The following AFF3 variants were observed in gnomAD, a reference collection of about 807,000 sequenced individuals.
The protein encoded by AFF3 is AF4/FMR2 family member 3.
In AFF3, 32 loss-of-function variants were observed where a neutral mutation model predicts 129.7. The ratio of observed to expected loss-of-function variants is 0.25; its 90% confidence interval spans 0.19 to 0.33. The LOEUF (loss-of-function observed/expected upper bound fraction) is 0.33. AFF3 is among the 10% of genes least tolerant of loss of function. The pLI is 1.00. For synonymous variants in AFF3, 644 were observed against 635.4 expected (o/e 1.01, Z -0.20); for missense variants, 1,373 against 1,592.0 (o/e 0.86, Z 2.34).
Position 100,007,274 on chromosome 2 carries a change from G to C in AFF3, c.361C>G (p.Gln121Glu). The C allele has an allele frequency of 6.2e-7, 1 of 1,614,110 alleles. No homozygotes were observed. ...GTAGTGCTACAGATAGACGAGGGCT[G>C]GTTCTGGGCTCTTGAATCTGCAACA... ...HFVADSRAQN[Q>E]PSSICSTTTS... Residue 121 changes from glutamine (Q) to glutamate (E), a missense_variant, in exon 6 of 25, where the codon CAG (glutamine) becomes GAG (glutamate). By Grantham distance (29) the Gln-to-Glu change is conservative. Coordinates refer to ENST00000672756, the MANE Select transcript of AFF3 (RefSeq NM_001386135.1).
rs1454407051 is a variant in AFF3, at chr2:99,787,686, C to CA, written c.922-35386dup. 5.9e-5 allele frequency among the ~76,000 whole-genome samples: 9 copies of CA among 152,234 alleles called. No individual in the cohort carries two copies. The South Asian group carries it at 1.9e-3, about 32-fold the overall frequency. On this transcript the variant is annotated intron_variant, in intron 8 of 24. Transcript: ENST00000672756. The stretch of plus-strand genomic sequence containing the variant: ...TGGAGACTTAGGCTAGGCTGGGTTT[C>CA]AAATTTGGATGAAGACGGTTTTGGC...
chr2:99,953,556 T>C (rs1206211972), intron 7 of AFF3, among the ~76,000 whole-genome samples: 3 of 152,342 alleles, frequency 2.0e-5, no homozygotes, highest in South Asian at 4.1e-4. Flanking sequence ...TCTTAGAAGA[T>C]TGTGGATCGG....
rs117231592 is a variant in AFF3 at position 99,861,076 on chromosome 2, G to A, written c.874-23552C>T. Reference sequence around the variant, plus strand: ...ATTCTCTCCTTTGTGGAGAGAATCAGAGGGCTTCAGATGGAAGTGACTCAC... The same window carrying A: ...ATTCTCTCCTTTGTGGAGAGAATCAAAGGGCTTCAGATGGAAGTGACTCAC... On this transcript the variant is annotated intron_variant, in intron 7 of 24. Coordinates refer to ENST00000672756, the MANE Select transcript of AFF3 (RefSeq NM_001386135.1). 6.0e-3 allele frequency among the ~76,000 whole-genome samples: 906 copies of A among 152,248 alleles called. 35 individuals carry two copies. In the East Asian group the frequency reaches 0.11, roughly 18 times the overall value.
chr2:99,897,187 G>C (rs967614316), intron 7 of AFF3, among the ~76,000 whole-genome samples: 1 of 152,136 alleles, frequency 6.6e-6, no homozygotes, highest in Non-Finnish European at 1.5e-5. Flanking sequence ...CCATAATTAT[G>C]ATTGCTATTT....
At chr2:99,995,892 C>T (rs1374622055) in intron 7 of AFF3, among the ~76,000 whole-genome samples, 2 of 152,088 alleles carry the variant, frequency 1.3e-5, no homozygotes, top group Non-Finnish European at 2.9e-5. Flanking sequence ...TATATAAACA[C>T]TTCAACAGAA....
intron 7 of AFF3, among the ~76,000 whole-genome samples, chr2:99,968,982 G>A (rs1011876910): frequency 6.6e-6 from 1 of 152,196 alleles, no homozygotes; most frequent in Non-Finnish European, 1.5e-5. Flanking sequence ...AGCAGCAAGA[G>A]GGAGTGTGGC....
intron 1 of AFF3, among the ~76,000 whole-genome samples, chr2:100,137,074 AT>A (rs1692667812): frequency 6.6e-6 from 1 of 152,128 alleles, no homozygotes. Context: ...ATTTTGAATT[AT>A]TTTACTGCTG....
intron 14 of AFF3, 109 bp from the exon 15 acceptor site, chr2:99,594,398 A>G (rs539615934): frequency 6.9e-7 from 1 of 1,456,414 alleles, no homozygotes; most frequent in East Asian, 2.3e-5. Context: ...ATGAGCAGAA[A>G]ACGAATGGGC....
At chr2:99,572,887 C>A (rs970338150) in intron 18 of AFF3, among the ~76,000 whole-genome samples, 2 of 152,172 alleles carry the variant, frequency 1.3e-5, no homozygotes, top group Admixed American at 1.3e-4. Flanking sequence ...AGGATTCAAA[C>A]ACAGCTTTTA....
intron 7 of AFF3, among the ~76,000 whole-genome samples, chr2:99,960,819 C>T (rs566318885): frequency 1.3e-5 from 2 of 152,128 alleles, no homozygotes; most frequent in African/African-American, 4.8e-5. Context: ...AAGAGGAAGG[C>T]GTTCCAGGAC....
In AFF3 at chr2:99,799,876, C is replaced by T. The variant is rs191041727; in HGVS notation, c.921+37601G>A. Among the ~76,000 whole-genome samples, 222 of 152,212 alleles carry T rather than the reference C, an allele frequency of 1.5e-3. 2 individuals carry two copies. The South Asian group carries it at 0.018, about 12-fold the overall frequency. ...AAGGACAGTATTTCAACAAATGGTA[C>T]TGGAATAACTGGATACTCATGTGCA... On this transcript the variant is annotated intron_variant, in intron 8 of 24. Coordinates refer to ENST00000672756, the MANE Select transcript of AFF3 (RefSeq NM_001386135.1).
intron 1 of AFF3, among the ~76,000 whole-genome samples, chr2:100,134,244 C>G (rs967211586): frequency 6.6e-6 from 1 of 152,140 alleles, no homozygotes; most frequent in African/African-American, 2.4e-5. Flanking sequence ...TCATATAAGC[C>G]TTGTATAAAA....
chr2:99,903,233 T>C (rs1694478469), intron 7 of AFF3, among the ~76,000 whole-genome samples: 1 of 152,174 alleles, frequency 6.6e-6, no homozygotes, highest in East Asian at 1.9e-4. Context: ...CGTAATAGAT[T>C]GTAAGACACA....
rs1296167110 is a variant in AFF3, at chr2:99,547,821, C to T, written c.*3653G>A. The stretch of plus-strand genomic sequence containing the variant: ...ATGTATGGGGTGTCAGAAATGTACA[C>T]ATCACTGTTATATAATACACACATC... On this transcript the variant is annotated 3_prime_UTR_variant, in exon 25 of 25. Coordinates refer to ENST00000672756, the MANE Select transcript of AFF3 (RefSeq NM_001386135.1). 1 of 211,056 alleles carries T rather than the reference C, an allele frequency of 4.7e-6. No homozygotes were observed. The highest frequency in any genetic ancestry group is 9.6e-6 in the Non-Finnish European group (1 of 103,732). 13.1% of individuals were successfully genotyped at this position (211,056 alleles called of 1,614,324 possible). A position where few individuals can be genotyped will look rare whatever the true frequency, so the allele number is the denominator to read the frequency against.
At chr2:100,085,811 C>T (rs1158701239) in intron 4 of AFF3, among the ~76,000 whole-genome samples, 3 of 152,050 alleles carry the variant, frequency 2.0e-5, no homozygotes, top group Non-Finnish European at 4.4e-5. Context: ...AGACTCCATG[C>T]TTCTTCAGAG....
chr2:99,696,411 TC>T, intron 11 of AFF3, among the ~76,000 whole-genome samples: 1 of 152,116 alleles, frequency 6.6e-6, no homozygotes, highest in Non-Finnish European at 1.5e-5. Flanking sequence ...TTACTCAAAC[TC>T]TGCATTTAAT....
At chr2:100,096,239 G>A (rs1023728547) in intron 4 of AFF3, among the ~76,000 whole-genome samples, 8 of 152,050 alleles carry the variant, frequency 5.3e-5, no homozygotes, top group African/African-American at 1.2e-4. Flanking sequence ...ATTCGAGCCC[G>A]ATACAACAGA....
intron 13 of AFF3, among the ~76,000 whole-genome samples, chr2:99,619,587 T>C (rs1262913551): frequency 6.6e-6 from 1 of 152,190 alleles, no homozygotes; most frequent in Non-Finnish European, 1.5e-5. Context: ...AGTAAGAACA[T>C]GCATGTCTCG....
intron 7 of AFF3, among the ~76,000 whole-genome samples, chr2:99,971,808 T>C (rs1438578390): frequency 1.3e-5 from 2 of 152,172 alleles, no homozygotes; most frequent in African/African-American, 4.8e-5. Flanking sequence ...ATGCATTAGT[T>C]AGAGGCTTCA....
Sources: allele counts gnomAD v4.1 joint callset (sites outside exome capture counted in the v4.1 genomes callset), GRCh38; gene constraint gnomAD v4.1.1; transcripts MANE v1.5; gene names NCBI Gene and HGNC (gene_info 2026-07-23, HGNC 2026-07-21).